ARL17A: variants seen among roughly 807,000 people sequenced by gnomAD.
The protein encoded by ARL17A is ADP-ribosylation factor-like 17-like.
chr17:46,500,751 A>G, the ARL17A span, among the ~76,000 whole-genome samples: 1 of 151,164 alleles, frequency 6.6e-6, no homozygotes, highest in Non-Finnish European at 1.5e-5. Context: ...AAGTTTGAAG[A>G]TAACTTCTGG....
intron 3 of ARL17A, among the ~76,000 whole-genome samples, chr17:46,544,957 ATAGT>A (rs1447743175): frequency 7.1e-6 from 1 of 140,454 alleles, no homozygotes; most frequent in Non-Finnish European, 1.5e-5. Context: ...AGAGTCAAAG[ATAGT>A]TGTCTTGTAA....
chr17:46,569,578 AG>A (rs1457347939), intron 3 of ARL17A, among the ~76,000 whole-genome samples: 1 of 126,134 alleles, frequency 7.9e-6, no homozygotes, highest in Non-Finnish European at 1.6e-5. Flanking sequence ...TAAAATCTAT[AG>A]CCTGGAAAAG....
the ARL17A span, among the ~76,000 whole-genome samples, chr17:46,500,515 G>A: frequency 6.7e-6 from 1 of 149,754 alleles, no homozygotes; most frequent in Admixed American, 6.6e-5. Flanking sequence ...CTCCACTTCA[G>A]TTTTAGGAAG....
downstream of ARL17A, chr17:46,550,358 G>C: frequency 3.8e-6 from 2 of 527,140 alleles, no homozygotes; most frequent in Admixed American, 5.7e-5. Context: ...TGGAATACTG[G>C]GGTTTTGAAT....
chr17:46,533,879 T>C (rs1402651604), intron 4 of ARL17A, among the ~76,000 whole-genome samples: 2 of 103,030 alleles, frequency 1.9e-5, no homozygotes, highest in Non-Finnish European at 3.6e-5. Flanking sequence ...AGTCTCTCAG[T>C]TTTTATTTAT....
intron 4 of ARL17A, among the ~76,000 whole-genome samples, chr17:46,534,405 G>C (rs973488742): frequency 6.8e-6 from 1 of 147,162 alleles, no homozygotes; most frequent in African/African-American, 2.6e-5. Flanking sequence ...GACTCTTAAC[G>C]AGCATGCTGC....
At chr17:46,503,330 A>G in the ARL17A span, among the ~76,000 whole-genome samples, 2 of 149,708 alleles carry the variant, frequency 1.3e-5, 1 homozygote, top group African/African-American at 5.1e-5. Flanking sequence ...CACTCAATCA[A>G]CAGACCATCT....
chr17:46,535,170 C>G lies in ARL17A; in HGVS notation c.335+3181G>C, dbSNP rs1219634693. ...CAAGCCTCCCAAGGTACTGGGAGTACAGGTGTGAGCAACCATGTCCAGCAC... is the reference window on the plus strand; with the variant it reads ...CAAGCCTCCCAAGGTACTGGGAGTAGAGGTGTGAGCAACCATGTCCAGCAC... On this transcript the variant is annotated intron_variant, in intron 4 of 4. Coordinates refer to the ARL17A transcript ENST00000329240. 1.0e-4 allele frequency among the ~76,000 whole-genome samples: 15 copies of G among 149,310 alleles called. No homozygotes were observed. The East Asian group carries it at 2.5e-3, about 25-fold the overall frequency.
At chr17:46,569,256 T>C (rs1160036591) in intron 3 of ARL17A, among the ~76,000 whole-genome samples, 1 of 151,378 alleles carries the variant, frequency 6.6e-6, no homozygotes, top group African/African-American at 2.5e-5. Context: ...CCAGGATACA[T>C]TTGATACAAC....
chr17:46,558,623 T>G (rs1377904052), intron 3 of ARL17A, among the ~76,000 whole-genome samples: 7 of 123,886 alleles, frequency 5.7e-5, no homozygotes, highest in Non-Finnish European at 1.0e-4. Context: ...ACTCCTGACC[T>G]CAAGTGATCC....
exon 4 of ARL17A, chr17:46,517,195 A>C: frequency 1.2e-6 from 1 of 801,840 alleles, no homozygotes; most frequent in Non-Finnish European, 1.8e-6. Flanking sequence ...ACCCCGCATA[A>C]TTTCTTGATG....
chr17:46,548,480 G>A, downstream of ARL17A: 1 of 1,173,798 alleles, frequency 8.5e-7, no homozygotes, highest in South Asian at 1.4e-5. Flanking sequence ...AATGACGAGA[G>A]TGATTTTATC....
intron 3 of ARL17A, among the ~76,000 whole-genome samples, chr17:46,562,237 C>CA (rs201826218): frequency 0.35 from 9,120 of 25,992 alleles, 4,376 homozygotes; most frequent in East Asian, 0.99. Context: ...GAGTCTTTAA[C>CA]AAAAAAAAAA....
At chr17:46,545,053 A>G (rs2056068629) in intron 3 of ARL17A, among the ~76,000 whole-genome samples, 1 of 138,214 alleles carries the variant, frequency 7.2e-6, no homozygotes, top group South Asian at 2.2e-4. Flanking sequence ...TGCATAGGTG[A>G]TGTATCCTTC....
chr17:46,541,648 A>G (rs934683975), intron 3 of ARL17A, among the ~76,000 whole-genome samples: 1 of 150,942 alleles, frequency 6.6e-6, no homozygotes, highest in Non-Finnish European at 1.5e-5. Flanking sequence ...CCTCATCCAT[A>G]GATTCAACGA....
At chr17:46,541,740 C>G (rs1398820397) in intron 3 of ARL17A, among the ~76,000 whole-genome samples, 1 of 150,786 alleles carries the variant, frequency 6.6e-6, no homozygotes, top group African/African-American at 2.5e-5. Flanking sequence ...ATTTAAAATA[C>G]AGTATAATTA....
intron 3 of ARL17A, among the ~76,000 whole-genome samples, chr17:46,542,892 TCA>T (rs2055649628): frequency 6.7e-6 from 1 of 150,138 alleles, no homozygotes; most frequent in Non-Finnish European, 1.5e-5. Flanking sequence ...AAAGGGCCCT[TCA>T]TTTAGCACTC....
intron 4 of ARL17A, among the ~76,000 whole-genome samples, chr17:46,534,560 A>G (rs1471191872): frequency 1.4e-5 from 2 of 147,654 alleles, no homozygotes; most frequent in Non-Finnish European, 3.0e-5. Context: ...AATTTTTCTT[A>G]GTACAGAACA....
the ARL17A span, among the ~76,000 whole-genome samples, chr17:46,509,703 TCAA>T: frequency 8.8e-5 from 1 of 11,410 alleles, no homozygotes; most frequent in African/African-American, 4.3e-4. Context: ...GGTCAGGAGT[TCAA>T]GACCAGCCTG....
Sources: allele counts gnomAD v4.1 joint callset (sites outside exome capture counted in the v4.1 genomes callset), GRCh38; gene constraint gnomAD v4.1.1; transcripts MANE v1.5; gene names NCBI Gene and HGNC (gene_info 2026-07-23, HGNC 2026-07-21).